The following HDAC8 variants were observed in gnomAD, a reference collection of about 807,000 sequenced individuals.
HDAC8 encodes histone deacetylase-like 1.
HDAC8 carries 1 observed loss-of-function variant against 32.2 expected under a neutral mutation model. The ratio of observed to expected loss-of-function variants is 0.03; its 90% confidence interval spans 0.01 to 0.15. HDAC8 has a LOEUF of 0.15. Ranked by LOEUF, HDAC8 falls within the 10% of genes least tolerant of loss-of-function variation. The pLI, the probability that HDAC8 is intolerant of heterozygous loss-of-function variation, is 1.00. For synonymous variants in HDAC8, 108 were observed against 113.9 expected (o/e 0.95, Z 0.33); for missense variants, 117 against 300.0 (o/e 0.39, Z 4.51).
rs1402392942 is a variant in HDAC8, at chrX:72,464,102, G to A, written c.910+457C>T. Among the ~76,000 whole-genome samples the A allele has an allele frequency of 2.7e-5, 3 of 111,532 alleles. No individual in the cohort carries two copies. In the Admixed American group the frequency reaches 2.9e-4, roughly 11 times the overall value. On this transcript the variant is annotated intron_variant, in intron 8 of 10. Transcript: ENST00000373573. ...TGTAACAAATCCATGCTTTTTGGGG[G>A]AAGAGGCATTCTTGAATTCAGCTTA... is the stretch of plus-strand genomic sequence containing the variant.
chrX:72,419,865 T>G (rs1555972969), intron 9 of HDAC8, among the ~76,000 whole-genome samples: 1 of 111,712 alleles, frequency 9.0e-6, no homozygotes, highest in African/African-American at 3.2e-5. Context: ...GAGACAACCA[T>G]GTGTTTTTTT....
chrX:72,468,283 C>A (rs2148055130), intron 7 of HDAC8, among the ~76,000 whole-genome samples: 1 of 111,089 alleles, frequency 9.0e-6, no homozygotes, highest in East Asian at 2.8e-4. Context: ...ACGAAGTCAA[C>A]CCCACAGGGG....
intron 7 of HDAC8, among the ~76,000 whole-genome samples, chrX:72,469,637 C>T (rs1187365018): frequency 3.6e-5 from 4 of 112,000 alleles, no homozygotes; most frequent in African/African-American, 1.3e-4. Context: ...CTGGAGGAAG[C>T]TGAGAAATCA....
chrX:72,494,447 A>G (rs1232366713), intron 5 of HDAC8, among the ~76,000 whole-genome samples: 4 of 111,304 alleles, frequency 3.6e-5, no homozygotes, highest in Non-Finnish European at 7.5e-5. Flanking sequence ...AATTTACAGG[A>G]TAAGTGTTCT....
chrX:72,561,907 T>C (rs997470117), intron 4 of HDAC8, among the ~76,000 whole-genome samples: 3 of 111,706 alleles, frequency 2.7e-5, no homozygotes, highest in African/African-American at 9.8e-5. Context: ...GATATACAAA[T>C]GGCCAACAAA....
At chrX:72,500,054 ATACACCCTCC>A (rs782300403) in intron 4 of HDAC8, among the ~76,000 whole-genome samples, 13 of 111,332 alleles carry the variant, frequency 1.2e-4, no homozygotes, top group Non-Finnish European at 2.3e-4. Flanking sequence ...TCCTGGACAT[ATACACCCTCC>A]TAAGACTGAA....
At chrX:72,456,049 T>C (rs1555989462) in intron 9 of HDAC8, among the ~76,000 whole-genome samples, 1 of 111,790 alleles carries the variant, frequency 8.9e-6, no homozygotes, top group Non-Finnish European at 1.9e-5. Context: ...ATTACATATC[T>C]ATGTGAAGCT....
Position 72,394,969 on chromosome X carries a change from C to T in HDAC8, c.1006-43131G>A, listed in dbSNP as rs185915404. Reference sequence around the variant, plus strand: ...GCCACCCTTGGCAATCTTTGTCAACCCTTGAGATTCTCACCAGCATCGACT... The same window carrying T: ...GCCACCCTTGGCAATCTTTGTCAACTCTTGAGATTCTCACCAGCATCGACT... On this transcript the variant is annotated intron_variant, in intron 9 of 10. Coordinates refer to ENST00000373573, the MANE Select transcript of HDAC8 (RefSeq NM_018486.3). Among the ~76,000 whole-genome samples the T allele has an allele frequency of 2.5e-3, 281 of 111,484 alleles. 2 individuals carry two copies. Among genetic ancestry groups the T allele is most frequent in the African/African-American group, 8.8e-3 (269 of 30,708 alleles).
At position 72,408,414 on chromosome X, in the gene HDAC8, A is replaced by AT. The variant is rs1180634884; in HGVS notation, c.1005+53589dup. Among the ~76,000 whole-genome samples, 183 of 107,199 alleles carry AT rather than the reference A, an allele frequency of 1.7e-3. 1 individual carries two copies. The highest frequency in any genetic ancestry group is 5.7e-3 in the South Asian group (14 of 2,475). The allele number at this position is 107,199 out of a possible 115,157, so 93.1% of individuals were successfully genotyped here. On this transcript the variant is annotated intron_variant, in intron 9 of 10. Transcript: ENST00000373573. ...GGGGAAAAGGATTCTTTCTTTCTTT[A>AT]TTTTTTTTTTGAGAGGAAGTCTCGT...
chrX:72,475,215 CAA>C (rs1411550255), intron 7 of HDAC8, among the ~76,000 whole-genome samples: 4 of 111,698 alleles, frequency 3.6e-5, no homozygotes, highest in Non-Finnish European at 7.5e-5. Context: ...ATGAGAAATT[CAA>C]AGTTGAAAAA....
chrX:72,548,318 C>T (rs781840747), intron 4 of HDAC8, among the ~76,000 whole-genome samples: 37 of 111,299 alleles, frequency 3.3e-4, no homozygotes, highest in Non-Finnish European at 6.2e-4. Context: ...TTTTAAAATT[C>T]GGTGATTCCA....
At chrX:72,479,920 C>T (rs1209184533) in intron 7 of HDAC8, among the ~76,000 whole-genome samples, 1 of 112,055 alleles carries the variant, frequency 8.9e-6, no homozygotes, top group Non-Finnish European at 1.9e-5. Flanking sequence ...ACAGTATCTC[C>T]CTCTTCCTAA....
chrX:72,483,362 T>A (rs782639102), intron 7 of HDAC8, among the ~76,000 whole-genome samples: 1 of 111,306 alleles, frequency 9.0e-6, no homozygotes, highest in South Asian at 3.8e-4. Flanking sequence ...GGTAATGAGT[T>A]AATTCTCACT....
chrX:72,386,176 C>A (rs1192028044), intron 9 of HDAC8, among the ~76,000 whole-genome samples: 3 of 111,603 alleles, frequency 2.7e-5, no homozygotes, highest in Non-Finnish European at 5.7e-5. Flanking sequence ...ATCTTAGAAA[C>A]AACATTGAAT....
chrX:72,572,610 C>T (rs2052138812), intron 1 of HDAC8, 41 bp downstream of exon 1: 1 of 614,306 alleles, frequency 1.6e-6, no homozygotes, highest in Non-Finnish European at 2.3e-6. Flanking sequence ...CCCCCACCCC[C>T]ACCCCCAAAG....
chrX:72,492,855 G>A (rs1053383127), intron 5 of HDAC8, among the ~76,000 whole-genome samples: 1 of 111,747 alleles, frequency 8.9e-6, no homozygotes, highest in Non-Finnish European at 1.9e-5. Flanking sequence ...AGTACTGTTG[G>A]TTCAAGGCAT....
intron 9 of HDAC8, among the ~76,000 whole-genome samples, chrX:72,437,447 T>C (rs2046984801): frequency 9.0e-6 from 1 of 111,040 alleles, no homozygotes. Context: ...TTCAGGAGTT[T>C]TTTTTTTCAT....
intron 4 of HDAC8, among the ~76,000 whole-genome samples, chrX:72,561,641 A>G (rs192724121): frequency 2.8e-4 from 32 of 112,691 alleles, no homozygotes; most frequent in African/African-American, 9.3e-4. Context: ...ATTCATGACC[A>G]AAGACCCAAA....
rs782530918 is a variant in HDAC8 at position 72,383,739 on chromosome X, G to A, written c.1006-31901C>T. Among the ~76,000 whole-genome samples, 4 of 109,338 alleles carry A rather than the reference G, an allele frequency of 3.7e-5. No individual in the cohort carries two copies. The East Asian group carries it at 1.2e-3, about 32-fold the overall frequency. The allele number at this position is 109,338 out of a possible 115,157, so 94.9% of individuals were successfully genotyped here. A position where few individuals can be genotyped will look rare whatever the true frequency, so the allele number is the denominator to read the frequency against. The stretch of plus-strand genomic sequence containing the variant: ...CAAAAAATTAGCCGGGCATGGTGGC[G>A]GGCACCTGTAGTTCCAGCTAGTCGG... On this transcript the variant is annotated intron_variant, in intron 9 of 10. Coordinates refer to ENST00000373573, the MANE Select transcript of HDAC8 (RefSeq NM_018486.3).
Sources: allele counts gnomAD v4.1 joint callset (sites outside exome capture counted in the v4.1 genomes callset), GRCh38; gene constraint gnomAD v4.1.1; transcripts MANE v1.5; gene names NCBI Gene and HGNC (gene_info 2026-07-23, HGNC 2026-07-21).